DRC11: variants seen among roughly 807,000 people sequenced by gnomAD.
The protein encoded by DRC11 is IQ and AAA domain-containing protein 1.
At chr2:236,324,687 T>C in the DRC11 span, 4 of 1,533,948 alleles carry the variant, frequency 2.6e-6, no homozygotes, top group Admixed American at 7.3e-5. The surrounding 1 kb of genome is among the most constrained non-coding windows in gnomAD (Gnocchi z 5.7). Context: ...TTCTCTTTCT[T>C]TTATTTCCTT....
chr2:236,350,237 A>AAC, the DRC11 span, among the ~76,000 whole-genome samples: 3 of 152,124 alleles, frequency 2.0e-5, no homozygotes, highest in Non-Finnish European at 4.4e-5. This position sits in a 1 kb window ranked among gnomAD's most constrained non-coding sequence, Gnocchi z 5.2. Context: ...TTGTTCCTTT[A>AAC]ACGTGTAGCT....
chr2:236,389,930 C>T, the DRC11 span, among the ~76,000 whole-genome samples: 1 of 152,062 alleles, frequency 6.6e-6, no homozygotes, highest in African/African-American at 2.4e-5. Context: ...GGAGAATGTT[C>T]CATGCATACT....
the DRC11 span, chr2:236,441,046 T>C: frequency 5.0e-5 from 77 of 1,532,282 alleles, no homozygotes; most frequent in Non-Finnish European, 6.5e-5. Flanking sequence ...GTACCTGTTG[T>C]ATGGTCTTGT....
the DRC11 span, among the ~76,000 whole-genome samples, chr2:236,479,074 C>T: frequency 6.6e-6 from 1 of 152,194 alleles, no homozygotes; most frequent in East Asian, 1.9e-4. This position sits in a 1 kb window ranked among gnomAD's most constrained non-coding sequence, Gnocchi z 4.1. Context: ...ATCCACGCAC[C>T]TTGGCCTCCC....
chr2:236,344,992 G>A, the DRC11 span, among the ~76,000 whole-genome samples: 55 of 67,856 alleles, frequency 8.1e-4, no homozygotes, highest in Non-Finnish European at 1.0e-3. Flanking sequence ...TTGTAAATGC[G>A]CTTCCCTCTG....
At chr2:236,344,656 A>ATTTT in the DRC11 span, 1 of 1,603,034 alleles carries the variant, frequency 6.2e-7, no homozygotes, top group Non-Finnish European at 8.5e-7. Context: ...GCAGAGGAAA[A>ATTTT]GGCAGGGCCC....
the DRC11 span, among the ~76,000 whole-genome samples, chr2:236,485,257 T>C: frequency 1.3e-3 from 193 of 150,148 alleles, no homozygotes; most frequent in African/African-American, 4.7e-3. Flanking sequence ...TATGTATGTA[T>C]ATATATATAA....
the DRC11 span, among the ~76,000 whole-genome samples, chr2:236,459,511 A>G: frequency 9.6e-6 from 1 of 104,462 alleles, no homozygotes; most frequent in African/African-American, 3.4e-5. Context: ...GTATACGTAT[A>G]CGTATACATG....
the DRC11 span, among the ~76,000 whole-genome samples, chr2:236,498,264 G>A: frequency 5.3e-5 from 8 of 150,668 alleles, no homozygotes; most frequent in Admixed American, 4.6e-4. Flanking sequence ...TCAGGAGATC[G>A]AGACCACCCT....
the DRC11 span, among the ~76,000 whole-genome samples, chr2:236,458,842 T>C: frequency 3.3e-5 from 5 of 152,196 alleles, no homozygotes; most frequent in South Asian, 1.0e-3. Flanking sequence ...GGTCAGGAGT[T>C]TGAGACCAGC....
the DRC11 span, chr2:236,503,667 T>C: frequency 6.4e-7 from 1 of 1,550,958 alleles, no homozygotes. This position sits in a 1 kb window ranked among gnomAD's most constrained non-coding sequence, Gnocchi z 4.9. Context: ...CGTCATCTCC[T>C]TCCACCAGAC....
At chr2:236,447,549 C>T in the DRC11 span, among the ~76,000 whole-genome samples, 569 of 147,932 alleles carry the variant, frequency 3.8e-3, 20 homozygotes, top group African/African-American at 0.014. The surrounding 1 kb of genome is among the most constrained non-coding windows in gnomAD (Gnocchi z 4.6). Flanking sequence ...AGAAAGGCAC[C>T]AGCATTCACT....
At chr2:236,352,347 G>A in the DRC11 span, among the ~76,000 whole-genome samples, 1 of 152,148 alleles carries the variant, frequency 6.6e-6, no homozygotes, top group African/African-American at 2.4e-5. The surrounding 1 kb of genome is among the most constrained non-coding windows in gnomAD (Gnocchi z 7.0). Flanking sequence ...TGGGGAGGAC[G>A]TGGCGCATGG....
chr2:236,354,269 G>A, the DRC11 span, among the ~76,000 whole-genome samples: 1 of 149,330 alleles, frequency 6.7e-6, no homozygotes, highest in Non-Finnish European at 1.5e-5. Context: ...ATGTGTGCGT[G>A]TGTGTGTATG....
chr2:236,461,976 A>G, the DRC11 span, among the ~76,000 whole-genome samples: 11 of 152,018 alleles, frequency 7.2e-5, no homozygotes, highest in African/African-American at 2.7e-4. This position sits in a 1 kb window ranked among gnomAD's most constrained non-coding sequence, Gnocchi z 4.0. Flanking sequence ...CAGCACGGTG[A>G]GGGAAGGAAA....
the DRC11 span, among the ~76,000 whole-genome samples, chr2:236,447,514 C>T: frequency 1.3e-5 from 2 of 152,118 alleles, no homozygotes; most frequent in African/African-American, 4.8e-5. The surrounding 1 kb of genome is among the most constrained non-coding windows in gnomAD (Gnocchi z 4.6). Flanking sequence ...AAGAGGATCA[C>T]TCCTACAGAG....
At chr2:236,340,341 C>T in the DRC11 span, among the ~76,000 whole-genome samples, 1 of 152,198 alleles carries the variant, frequency 6.6e-6, no homozygotes, top group African/African-American at 2.4e-5. Flanking sequence ...CCATGCTAGT[C>T]TCGAACTTCT....
the DRC11 span, among the ~76,000 whole-genome samples, chr2:236,431,901 A>G: frequency 6.6e-6 from 1 of 152,222 alleles, no homozygotes; most frequent in Admixed American, 6.5e-5. This position sits in a 1 kb window ranked among gnomAD's most constrained non-coding sequence, Gnocchi z 4.2. Context: ...ATTCATGTAC[A>G]AATGTTTTTG....
At chr2:236,357,046 T>TCTATATATTCA in the DRC11 span, among the ~76,000 whole-genome samples, 7 of 95,312 alleles carry the variant, frequency 7.3e-5, 1 homozygote, top group Non-Finnish European at 1.6e-4. Context: ...TATTCATATA[T>TCTATATATTCA]TATATATCTA....
Sources: gnomAD v4.1 joint callset for allele counts (sites outside exome capture counted in the v4.1 genomes callset) on GRCh38, gnomAD v4.1.1 for gene constraint, Gnocchi (gnomAD v3.1) non-coding constraint, MANE v1.5 for transcripts, NCBI Gene and HGNC (gene_info 2026-07-23, HGNC 2026-07-21) for gene names.